Variants in LRP2 observed in about 807,000 individuals in gnomAD.
LRP2 encodes the protein LDL receptor related protein 2.
In LRP2, 172 loss-of-function variants were observed where a neutral mutation model predicts 531.0. The observed-to-expected ratio is 0.32, with a 90% CI of 0.29 to 0.37. LRP2 has a LOEUF of 0.37. LRP2 is among the 10% of genes least tolerant of loss of function. The pLI is 1.00. For synonymous variants in LRP2, 1,992 were observed against 2,027.6 expected (o/e 0.98, Z 0.47); for missense variants, 5,167 against 5,868.3 (o/e 0.88, Z 3.90).
intron 1 of LRP2, among the ~76,000 whole-genome samples, chr2:169,325,980 A>G (rs1262056727): frequency 6.6e-6 from 1 of 152,204 alleles, no homozygotes; most frequent in Admixed American, 6.5e-5. Flanking sequence ...CACATCATTT[A>G]AGTGCAAAAA....
chr2:169,327,339 G>A (rs373458851), intron 1 of LRP2, among the ~76,000 whole-genome samples: 4,485 of 91,962 alleles, frequency 0.049, 119 homozygotes, highest in East Asian at 0.12. Flanking sequence ...CCGGCCAGCC[G>A]CCCCATCCGG....
At position 169,205,507 on chromosome 2, in the gene LRP2, C is replaced by T. The variant is rs760142076; in HGVS notation, c.7687G>A (p.Asp2563Asn). 6 of 1,614,096 alleles carry T rather than the reference C, an allele frequency of 3.7e-6. No individual in the cohort carries two copies. The highest frequency in any genetic ancestry group is 5.1e-6 in the Non-Finnish European group (6 of 1,180,004). ...CTAGCATCCACCCAGTAGAGAAGGTCCTCTTCATAGTCCAGAGTCAGCCCA... is the reference window on the plus strand; with the variant it reads ...CTAGCATCCACCCAGTAGAGAAGGTTCTCTTCATAGTCCAGAGTCAGCCCA... The part of the protein sequence containing the change: ...PSGLTLDYEE[D>N]LLYWVDASLQ... The change falls in exon 41 of 79, where the codon GAC becomes AAC. Residue 2563 changes from aspartate (D) to asparagine (N), a missense_variant. This residue lies in a region of LRP2 where 1,129 missense variants were observed against 1,362.7 expected (regional missense o/e 0.83). Transcript: ENST00000649046.
intron 62 of LRP2, among the ~76,000 whole-genome samples, chr2:169,165,480 T>A (rs1440287695): frequency 6.6e-6 from 1 of 152,234 alleles, no homozygotes; most frequent in Non-Finnish European, 1.5e-5. Context: ...TAAGCTCTGT[T>A]AACACCAGTG....
chr2:169,198,644 C>A, intron 45 of LRP2, 142 bp downstream of exon 45: 1 of 912,072 alleles, frequency 1.1e-6, no homozygotes, highest in Non-Finnish European at 1.7e-6. Context: ...CATATGAAAG[C>A]AACTGCCTAC....
At chr2:169,186,195 C>T (rs983260357) in intron 49 of LRP2, among the ~76,000 whole-genome samples, 176 bp from the exon 50 acceptor site, 1 of 152,170 alleles carries the variant, frequency 6.6e-6, no homozygotes, top group African/African-American at 2.4e-5. Flanking sequence ...TTTCAACTTC[C>T]TCACCAACTT....
In LRP2 at chr2:169,127,268, A is replaced by G. The variant is rs1348338331; in HGVS notation, c.*1395T>C. On this transcript the variant is annotated 3_prime_UTR_variant, in exon 79 of 79. Coordinates refer to ENST00000649046, the MANE Select transcript of LRP2 (RefSeq NM_004525.3). ...TAGTATATGTTTCATTCATTCATCC[A>G]TCCATCCATCCATCCATTCATTCAT... The G allele has an allele frequency of 2.6e-5, 4 of 152,514 alleles. No individual in the cohort carries two copies. 9.4% of individuals were successfully genotyped at this position (152,514 alleles called of 1,614,324 possible). A position where few individuals can be genotyped will look rare whatever the true frequency, so the allele number is the denominator to read the frequency against.
At chr2:169,313,082 G>T (rs1161266356) in intron 3 of LRP2, among the ~76,000 whole-genome samples, 2 of 152,114 alleles carry the variant, frequency 1.3e-5, no homozygotes, top group Non-Finnish European at 2.9e-5. Context: ...CTCTATGCTG[G>T]TTATTCTAGT....
intron 44 of LRP2, 66 bp from the exon 45 acceptor site, chr2:169,198,977 C>A: frequency 6.5e-7 from 1 of 1,528,090 alleles, no homozygotes. Context: ...GAACAGTATC[C>A]GTGCTAACAC....
rs1684014728 is a variant in LRP2 at position 169,292,169 on chromosome 2, TTCTAA to T, written c.769+79_769+83del. ...CTGAGGCTTGCTTGTCACACAAAATTTCTAAAAAGGAAAGGAGAAAAAACAAGCGC... is the reference window on the plus strand; with the variant it reads ...CTGAGGCTTGCTTGTCACACAAAATTAAAGGAAAGGAGAAAAAACAAGCGC... On this transcript the variant is annotated intron_variant, in intron 7 of 78. Coordinates refer to ENST00000649046, the MANE Select transcript of LRP2 (RefSeq NM_004525.3). 7.4e-6 allele frequency: 8 copies of T among 1,085,236 alleles called. No individual in the cohort carries two copies. The South Asian group carries it at 1.0e-4, about 14-fold the overall frequency. 67.2% of individuals were successfully genotyped at this position (1,085,236 alleles called of 1,614,324 possible).
chr2:169,236,372 A>C (rs1477653484), intron 28 of LRP2, among the ~76,000 whole-genome samples: 2 of 152,172 alleles, frequency 1.3e-5, no homozygotes, highest in African/African-American at 4.8e-5. Flanking sequence ...ATAATCCACA[A>C]ATAGTTGATC....
At chr2:169,307,182 G>T (rs1354836190) in intron 4 of LRP2, 99 bp downstream of exon 4, 2 of 826,414 alleles carry the variant, frequency 2.4e-6, no homozygotes, top group East Asian at 2.4e-5. Context: ...GAGGCATATT[G>T]TAGGCATTTA....
chr2:169,310,599 T>G (rs989019660), intron 3 of LRP2, among the ~76,000 whole-genome samples: 2 of 152,250 alleles, frequency 1.3e-5, no homozygotes, highest in Non-Finnish European at 2.9e-5. Flanking sequence ...TGGATTGGGT[T>G]TGCCAGTATT....
At chr2:169,277,217 GC>G (rs1211283163) in intron 13 of LRP2, among the ~76,000 whole-genome samples, 3 of 145,126 alleles carry the variant, frequency 2.1e-5, no homozygotes, top group African/African-American at 7.6e-5. Context: ...AAAAAAGAAA[GC>G]CATATTCTAC....
At chr2:169,257,837 AC>A (rs765778026) in intron 17 of LRP2, among the ~76,000 whole-genome samples, 1,687 of 146,456 alleles carry the variant, frequency 0.012, 14 homozygotes, top group Non-Finnish European at 0.017. Context: ...AAAAAAAAAA[AC>A]ACAAAAAAAA....
At chr2:169,266,790 G>A (rs17214591) in intron 16 of LRP2, among the ~76,000 whole-genome samples, 6,633 of 151,602 alleles carry the variant, frequency 0.044, 194 homozygotes, top group South Asian at 0.11. Flanking sequence ...GAAAAACAGT[G>A]TCTAGTCAAT....
chr2:169,223,748 C>T (rs1013807523), intron 33 of LRP2, among the ~76,000 whole-genome samples: 1 of 152,130 alleles, frequency 6.6e-6, no homozygotes, highest in African/African-American at 2.4e-5. Context: ...AGAGTTTGAA[C>T]CAGAGGAGCC....
At chr2:169,318,989 T>G (rs1229669235) in intron 2 of LRP2, 105 bp from the exon 3 acceptor site, 2 of 1,428,686 alleles carry the variant, frequency 1.4e-6, no homozygotes, top group Non-Finnish European at 9.7e-7. Context: ...CCTGCTCAAT[T>G]TATTTGAAGG....
At chr2:169,327,485 T>TGG (rs1191967247) in intron 1 of LRP2, among the ~76,000 whole-genome samples, 1 of 57,076 alleles carries the variant, frequency 1.8e-5, no homozygotes, top group African/African-American at 7.3e-5. Flanking sequence ...GGGAGGGAGG[T>TGG]GGGGGGGTCA....
intron 28 of LRP2, 38 bp downstream of exon 28, chr2:169,237,065 C>T: frequency 6.5e-7 from 1 of 1,540,450 alleles, no homozygotes; most frequent in Non-Finnish European, 9.0e-7. Flanking sequence ...CTCATCATAA[C>T]CATGTCAAGG....
Sources: gnomAD v4.1 joint callset for allele counts (sites outside exome capture counted in the v4.1 genomes callset) on GRCh38, gnomAD v4.1.1 for gene constraint, gnomAD v4.1.1 regional missense constraint, MANE v1.5 for transcripts, NCBI Gene and HGNC (gene_info 2026-07-23, HGNC 2026-07-21) for gene names.